The following SERPINB7 variants were observed in gnomAD, a reference collection of about 807,000 sequenced individuals.
The protein encoded by SERPINB7 is serpin family B member 7.
In SERPINB7, 31 loss-of-function variants were observed where a neutral mutation model predicts 37.4. The ratio of observed to expected loss-of-function variants is 0.83; its 90% CI spans 0.62 to 1.12. SERPINB7 has a LOEUF of 1.12. SERPINB7 is among the 50% of genes most tolerant of loss of function. The probability of loss-of-function intolerance (pLI) is 0.00; values close to 1 mark genes in which losing one functional copy is unlikely to be tolerated. For missense variants in SERPINB7, 521 were observed against 455.3 expected, an observed-to-expected ratio of 1.14 and a Z score of -1.31; for synonymous variants, 163 against 166.1, an observed-to-expected ratio of 0.98 and a Z score of 0.14.
At chr18:63,787,871 C>T (rs746760002) in intron 2 of SERPINB7, among the ~76,000 whole-genome samples, 1 of 152,078 alleles carries the variant, frequency 6.6e-6, no homozygotes, top group Non-Finnish European at 1.5e-5. Flanking sequence ...GAGGGCAGTA[C>T]CGTCAAATTA....
intron 1 of SERPINB7, among the ~76,000 whole-genome samples, chr18:63,768,856 A>T (rs1483922762): frequency 6.6e-6 from 1 of 152,024 alleles, no homozygotes; most frequent in African/African-American, 2.4e-5. Flanking sequence ...TGTTACCATA[A>T]ATCAGATTAT....
chr18:63,768,515 A>G (rs967573616), intron 1 of SERPINB7, among the ~76,000 whole-genome samples: 1 of 152,094 alleles, frequency 6.6e-6, no homozygotes, highest in Non-Finnish European at 1.5e-5. Context: ...ACTCATTTCC[A>G]AAGTCACTTA....
intron 2 of SERPINB7, among the ~76,000 whole-genome samples, chr18:63,786,943 T>A (rs2049379822): frequency 6.6e-6 from 1 of 152,060 alleles, no homozygotes; most frequent in South Asian, 2.1e-4. Context: ...GGACCAAGTG[T>A]TTTGGATTTT....
intron 1 of SERPINB7, among the ~76,000 whole-genome samples, chr18:63,760,199 A>G (rs920375255): frequency 1.3e-5 from 2 of 152,194 alleles, no homozygotes; most frequent in Non-Finnish European, 2.9e-5. Context: ...GAGATGAGGA[A>G]CTTGTTGGGA....
chr18:63,772,208 T>C (rs1167523899), upstream of SERPINB7, among the ~76,000 whole-genome samples: 1 of 152,038 alleles, frequency 6.6e-6, no homozygotes, highest in Non-Finnish European at 1.5e-5. Context: ...TTAAATAATG[T>C]CTAAAGTTTC....
At chr18:63,767,310 G>A (rs1188052870) in intron 1 of SERPINB7, among the ~76,000 whole-genome samples, 2 of 152,110 alleles carry the variant, frequency 1.3e-5, no homozygotes, top group African/African-American at 4.8e-5. Flanking sequence ...TCTGGGGTGG[G>A]CTAAGTTAAA....
chr18:63,767,826 C>A (rs1008772050), intron 1 of SERPINB7, among the ~76,000 whole-genome samples: 1 of 152,068 alleles, frequency 6.6e-6, no homozygotes, highest in African/African-American at 2.4e-5. Flanking sequence ...GAGTTTAAAA[C>A]TACACATTTA....
At chr18:63,785,615 A>G (rs2049355942) in intron 2 of SERPINB7, among the ~76,000 whole-genome samples, 1 of 151,970 alleles carries the variant, frequency 6.6e-6, no homozygotes, top group African/African-American at 2.4e-5. Context: ...TTGAGGTTCA[A>G]TGCAGTTGAA....
chr18:63,753,663 A>C (rs888018554), intron 1 of SERPINB7, among the ~76,000 whole-genome samples: 2 of 152,262 alleles, frequency 1.3e-5, no homozygotes, highest in Non-Finnish European at 2.9e-5. Context: ...CAGGTCGATC[A>C]CAATACAACC....
chr18:63,800,486 T>C (rs572521680), intron 6 of SERPINB7, among the ~76,000 whole-genome samples: 9 of 152,314 alleles, frequency 5.9e-5, no homozygotes, highest in East Asian at 5.8e-4. Flanking sequence ...ATAGAGACTT[T>C]TCAGTTAAAA....
rs58231864 is a variant in SERPINB7, at chr18:63,798,349, C to T, written c.455-255C>T. ...GTTGTGTGTCTTAATCTCTTTGTGC[C>T]TTAGCTTCCTCAACAGGAAATGGAA... On this transcript the variant is annotated intron_variant, in intron 5 of 7. Coordinates refer to ENST00000398019, the MANE Select transcript of SERPINB7 (RefSeq NM_003784.4). 1.9e-3 allele frequency among the ~76,000 whole-genome samples: 296 copies of T among 152,200 alleles called. 2 individuals carry two copies. Among genetic ancestry groups the T allele is most frequent in the African/African-American group, 6.6e-3 (276 of 41,532 alleles).
intron 2 of SERPINB7, among the ~76,000 whole-genome samples, chr18:63,791,393 A>G (rs2049425497): frequency 6.6e-6 from 1 of 152,224 alleles, no homozygotes; most frequent in South Asian, 2.1e-4. Context: ...CAAGAAATTT[A>G]GGAATAATCA....
At chr18:63,755,095 G>A (rs2049114215) in intron 1 of SERPINB7, among the ~76,000 whole-genome samples, 2 of 130,718 alleles carry the variant, frequency 1.5e-5, no homozygotes, top group Non-Finnish European at 3.4e-5. Context: ...TAGTAGAGAC[G>A]GGGTTTCACC....
intron 4 of SERPINB7, 36 bp from the exon 5 acceptor site, chr18:63,796,230 G>T: frequency 1.7e-6 from 2 of 1,204,834 alleles, no homozygotes; most frequent in South Asian, 2.6e-5. Flanking sequence ...AGTTGGTGAT[G>T]ATTTGTAAAT....
At chr18:63,787,106 C>A (rs540224570) in intron 2 of SERPINB7, among the ~76,000 whole-genome samples, 3 of 152,208 alleles carry the variant, frequency 2.0e-5, no homozygotes, top group Admixed American at 6.5e-5. Context: ...CATTTTAAAT[C>A]TTTTTATTAA....
chr18:63,770,873 G>A (rs371761976), upstream of SERPINB7, among the ~76,000 whole-genome samples: 2 of 148,834 alleles, frequency 1.3e-5, no homozygotes, highest in Admixed American at 6.7e-5. Context: ...GTCTGCACAT[G>A]CACACACACA....
rs61761887 is a variant in SERPINB7, at chr18:63,804,484, A to C, written c.992A>C (p.Glu331Ala). Reference sequence around the variant, plus strand: ...CACAAATCTTACATAGAGGTCACTGAGGAGGGCACCGAGGCTACTGCTGCC... The same window carrying C: ...CACAAATCTTACATAGAGGTCACTGCGGAGGGCACCGAGGCTACTGCTGCC... ...MMHKSYIEVT[E>A]EGTEATAATG... is the part of the protein sequence containing the mutation. Residue 331 changes from glutamate (E) to alanine (A), a missense_variant, in exon 8 of 8, where the codon GAG becomes GCG. By Grantham distance (107) the Glu-to-Ala change is moderately radical. Transcript: ENST00000398019. 1,334 of 1,613,638 alleles carry C rather than the reference A, an allele frequency of 8.3e-4. 1 individual carries two copies. The highest frequency in any genetic ancestry group is 1.1e-3 in the Non-Finnish European group (1,265 of 1,179,870).
At chr18:63,755,200 G>T (rs1470686784) in intron 1 of SERPINB7, among the ~76,000 whole-genome samples, 1 of 152,098 alleles carries the variant, frequency 6.6e-6, no homozygotes, top group African/African-American at 2.4e-5. Context: ...CACCGCGCCC[G>T]GCCTAAACTG....
At chr18:63,761,711 T>G (rs1259078420) in intron 1 of SERPINB7, among the ~76,000 whole-genome samples, 1 of 152,224 alleles carries the variant, frequency 6.6e-6, no homozygotes, top group Non-Finnish European at 1.5e-5. Context: ...GATGGATTTA[T>G]CAGGGGTTTC....
Sources: allele counts gnomAD v4.1 joint callset (sites outside exome capture counted in the v4.1 genomes callset), GRCh38; gene constraint gnomAD v4.1.1; transcripts MANE v1.5; gene names NCBI Gene and HGNC (gene_info 2026-07-23, HGNC 2026-07-21).